TRIO: variants seen among roughly 807,000 people sequenced by gnomAD.
TRIO encodes triple functional domain protein.
Under a neutral mutation model 351.9 loss-of-function variants are expected in TRIO, and 58 were observed. The ratio of observed to expected loss-of-function variants is 0.16; its 90% CI spans 0.13 to 0.21. The LOEUF (loss-of-function observed/expected upper bound fraction) is 0.21. TRIO is among the 10% of genes least tolerant of loss of function. The pLI is 1.00. For missense variants in TRIO, 3,201 were observed against 4,027.8 expected (o/e 0.79, Z 5.56); for synonymous variants, 1,758 against 1,595.7 (o/e 1.10, Z -2.42).
intron 33 of TRIO, among the ~76,000 whole-genome samples, chr5:14,409,378 C>CA (rs533985839): frequency 0.013 from 1,095 of 83,646 alleles, 8 homozygotes; most frequent in East Asian, 0.048. Flanking sequence ...ATAGGTTTGC[C>CA]AAAAAAAAAA....
chr5:14,169,339 T>A (rs894406491), intron 1 of TRIO, among the ~76,000 whole-genome samples: 4 of 152,156 alleles, frequency 2.6e-5, no homozygotes, highest in African/African-American at 9.7e-5. Context: ...TTTTCTTTGC[T>A]TTTGTAGGAC....
chr5:14,250,950 C>T (rs1453667823), intron 1 of TRIO, among the ~76,000 whole-genome samples: 1 of 152,154 alleles, frequency 6.6e-6, no homozygotes, highest in Non-Finnish European at 1.5e-5. Context: ...AAATGATTTG[C>T]TCAGGCCCTT....
intron 7 of TRIO, among the ~76,000 whole-genome samples, chr5:14,300,605 G>A (rs1737791816): frequency 6.6e-6 from 1 of 152,128 alleles, no homozygotes; most frequent in East Asian, 1.9e-4. Context: ...AAGTAACAGT[G>A]TTTGTATAGT....
intron 1 of TRIO, among the ~76,000 whole-genome samples, chr5:14,238,826 C>A (rs1416513079): frequency 6.6e-6 from 1 of 152,270 alleles, no homozygotes; most frequent in Non-Finnish European, 1.5e-5. Flanking sequence ...CTAAGATGAA[C>A]CTGATTTACA....
chr5:14,490,243 C>T (rs916414442), intron 48 of TRIO, among the ~76,000 whole-genome samples: 28 of 152,376 alleles, frequency 1.8e-4, no homozygotes, highest in African/African-American at 6.0e-4. Context: ...CGTGCCATTG[C>T]ACTCCAGCCT....
intron 54 of TRIO, among the ~76,000 whole-genome samples, chr5:14,502,930 GT>G (rs1179651157): frequency 6.6e-6 from 1 of 152,242 alleles, no homozygotes; most frequent in Admixed American, 6.5e-5. Flanking sequence ...TGGAATAGTG[GT>G]AGCTCTGTGC....
At chr5:14,166,378 T>A (rs1321788679) in intron 1 of TRIO, among the ~76,000 whole-genome samples, 1 of 152,246 alleles carries the variant, frequency 6.6e-6, no homozygotes, top group African/African-American at 2.4e-5. Context: ...TTTGTCTGAT[T>A]TAAAATTTGC....
At chr5:14,399,512 G>C (rs531421980) in intron 30 of TRIO, 1 of 179,018 alleles carries the variant, frequency 5.6e-6, no homozygotes, top group Non-Finnish European at 1.2e-5. Context: ...AAGTGCATGA[G>C]TAAATTTATG....
At chr5:14,183,976 G>C in intron 1 of TRIO, 1 of 697,918 alleles carries the variant, frequency 1.4e-6, no homozygotes, top group Non-Finnish European at 2.6e-6. Flanking sequence ...ATGTGTCCCA[G>C]ACTTTAAAAA....
At chr5:14,410,293 G>A (rs1007911650) in intron 33 of TRIO, among the ~76,000 whole-genome samples, 3 of 152,166 alleles carry the variant, frequency 2.0e-5, no homozygotes, top group African/African-American at 7.2e-5. Context: ...TGTGTGCTCT[G>A]CTTATGTGAC....
Position 14,487,597 on chromosome 5 carries a change from C to A in TRIO, c.6969C>A (p.Gly2323=). 1 of 1,161,578 alleles carries A rather than the reference C, an allele frequency of 8.6e-7. No homozygotes were observed. Among genetic ancestry groups the A allele is most frequent in the African/African-American group, 1.6e-5 (1 of 60,694 alleles). The allele number at this position is 1,161,578 out of a possible 1,614,324, so 72.0% of individuals were successfully genotyped here. The change falls in exon 48 of 57, where the codon GGC becomes GGA. Residue 2323 remains glycine (G), a synonymous_variant. Transcript: ENST00000344204. ...GTGGCGGCAGCGGCCACAGTGGCGG[C>A]CCCAGCAGCTGCGGCGGCGCCCCCA... ...APSGGSGHSG[G]PSSCGGAPST...
At chr5:14,349,569 A>C (rs1015308801) in intron 11 of TRIO, among the ~76,000 whole-genome samples, 2 of 152,190 alleles carry the variant, frequency 1.3e-5, no homozygotes, top group African/African-American at 4.8e-5. Flanking sequence ...TGCTGTCTTT[A>C]GTACATTACC....
intron 1 of TRIO, among the ~76,000 whole-genome samples, chr5:14,241,407 A>T (rs1794121220): frequency 6.6e-6 from 1 of 152,204 alleles, no homozygotes; most frequent in African/African-American, 2.4e-5. Flanking sequence ...AGATCATACA[A>T]TTTGTACATA....
intron 1 of TRIO, among the ~76,000 whole-genome samples, chr5:14,171,682 T>C (rs1018075151): frequency 6.6e-6 from 1 of 152,232 alleles, no homozygotes; most frequent in African/African-American, 2.4e-5. Flanking sequence ...GGACTGTGTT[T>C]AAGGACTACT....
At position 14,303,567 on chromosome 5, in the gene TRIO, G is replaced by A. The variant is rs112257663; in HGVS notation, c.1369-894G>A. 4.4e-3 allele frequency among the ~76,000 whole-genome samples: 630 copies of A among 142,624 alleles called. 5 individuals are homozygous for A. The highest frequency in any genetic ancestry group is 0.016 in the African/African-American group (596 of 38,146). 93.6% of individuals were successfully genotyped at this position (142,624 alleles called of 152,430 possible). On this transcript the variant is annotated intron_variant, in intron 7 of 56. Coordinates refer to ENST00000344204, the MANE Select transcript of TRIO (RefSeq NM_007118.4). ...CTGTTGATGATCCTGGAGATGGAGG[G>A]GGCAGTGGAGGAGATTGAACCAGGA...
intron 1 of TRIO, among the ~76,000 whole-genome samples, chr5:14,219,237 A>AT (rs144007605): frequency 8.0e-4 from 121 of 151,234 alleles, no homozygotes; most frequent in Middle Eastern, 3.4e-3. Flanking sequence ...TTTTTCTATA[A>AT]TTTTTTTTTT....
chr5:14,476,932 C>G lies in TRIO; in HGVS notation c.6122C>G (p.Pro2041Arg). ...GAGTTAGAGAAGTGCCTTGAAGATC[C>G]AGAAAAACTAGGATCCCTTTTTGTT... The part of the protein sequence containing the change: ...LGELEKCLED[P>R]EKLGSLFVKH... Residue 2041 changes from proline (P) to arginine (R), a missense_variant, in exon 41 of 57, where the codon CCA becomes CGA. By Grantham distance (103) the Pro-to-Arg change is moderately radical (BLOSUM62 -2). Transcript: ENST00000344204. 1 of 1,613,890 alleles carries G rather than the reference C, an allele frequency of 6.2e-7. No individual in the cohort carries two copies. The highest frequency in any genetic ancestry group is 8.5e-7 in the Non-Finnish European group (1 of 1,179,932).
chr5:14,166,969 T>C (rs1213478670), intron 1 of TRIO, among the ~76,000 whole-genome samples: 2 of 152,114 alleles, frequency 1.3e-5, no homozygotes, highest in Non-Finnish European at 2.9e-5. Context: ...TGCTGTTCAC[T>C]GTTAATAATT....
intron 48 of TRIO, among the ~76,000 whole-genome samples, chr5:14,489,806 C>T (rs559957822): frequency 7.2e-4 from 109 of 152,304 alleles, no homozygotes; most frequent in Admixed American, 1.3e-3. Context: ...CACGTGTTCC[C>T]GCGAGCTTTA....
Sources: allele counts gnomAD v4.1 joint callset (sites outside exome capture counted in the v4.1 genomes callset), GRCh38; gene constraint gnomAD v4.1.1; transcripts MANE v1.5; gene names NCBI Gene and HGNC (gene_info 2026-07-23, HGNC 2026-07-21).